The following GABRR3 variants were observed in gnomAD, a reference collection of about 807,000 sequenced individuals.
The protein encoded by GABRR3 is gamma-aminobutyric acid receptor subunit rho-3.
A neutral mutation model predicts 43.2 loss-of-function variants in GABRR3; 29 were observed. The observed-to-expected ratio is 0.67, with a 90% CI of 0.50 to 0.92. The LOEUF is 0.92. Among genes scored for constraint, GABRR3 ranks in the 40% least tolerant of loss-of-function variants. The pLI, the probability that GABRR3 is intolerant of heterozygous loss-of-function variation, is 0.00. For missense variants in GABRR3, 576 were observed against 572.3 expected (o/e 1.01, Z -0.07); for synonymous variants, 206 against 195.9 (o/e 1.05, Z -0.43).
At chr3:98,007,539 G>C (rs1706736505) in intron 7 of GABRR3, among the ~76,000 whole-genome samples, 1 of 152,210 alleles carries the variant, frequency 6.6e-6, no homozygotes, top group Non-Finnish European at 1.5e-5. Context: ...ATTGAGACTG[G>C]AGAAGTCAAG....
chr3:97,985,107 C>T (rs776662698), downstream of GABRR3, among the ~76,000 whole-genome samples: 9 of 152,124 alleles, frequency 5.9e-5, no homozygotes, highest in Non-Finnish European at 1.3e-4. Context: ...GAAAGTAATA[C>T]ACCATTTAAT....
intron 7 of GABRR3, among the ~76,000 whole-genome samples, chr3:98,003,755 G>T (rs147855398): frequency 6.6e-6 from 1 of 151,898 alleles, no homozygotes; most frequent in Non-Finnish European, 1.5e-5. Flanking sequence ...CTTGTCCTAC[G>T]ACAGGCAGCC....
At chr3:97,993,245 T>C (rs1706495134) in intron 8 of GABRR3, among the ~76,000 whole-genome samples, 197 bp from the exon 9 acceptor site, 1 of 152,226 alleles carries the variant, frequency 6.6e-6, no homozygotes, top group African/African-American at 2.4e-5. Context: ...TGTCTCTTTT[T>C]CTTGCCCTTA....
In GABRR3 at chr3:98,009,617, T is replaced by C. The variant is rs531410607; in HGVS notation, c.531-579A>G. Among the ~76,000 whole-genome samples, 9 of 152,298 alleles carry C rather than the reference T, an allele frequency of 5.9e-5. No homozygotes were observed. In the South Asian group the frequency reaches 1.9e-3, roughly 32 times the overall value. On this transcript the variant is annotated intron_variant, in intron 5 of 9. Transcript: ENST00000621172. ...TACTGATGAGAACGGTTTTTTCAAA[T>C]TTTATATCCTCCTAGATTTTCCTGG...
chr3:98,028,759 A>C (rs1386712885), intron 2 of GABRR3, among the ~76,000 whole-genome samples: 2 of 152,206 alleles, frequency 1.3e-5, no homozygotes. Flanking sequence ...TCATGTCTAC[A>C]TGCCCCTCAG....
chr3:98,021,080 G>A (rs1201031574), intron 3 of GABRR3, among the ~76,000 whole-genome samples: 1 of 151,646 alleles, frequency 6.6e-6, no homozygotes, highest in Non-Finnish European at 1.5e-5. Context: ...GGTCAGGCTG[G>A]TCTCGAACTC....
intron 8 of GABRR3, chr3:97,998,151 G>A (rs928964116): frequency 1.3e-5 from 2 of 152,134 alleles, no homozygotes; most frequent in Non-Finnish European, 2.9e-5. Context: ...TACAGTGATA[G>A]GTTATAGGCA....
At chr3:98,024,482 C>G (rs535820968) in intron 3 of GABRR3, among the ~76,000 whole-genome samples, 3 of 151,636 alleles carry the variant, frequency 2.0e-5, no homozygotes, top group Non-Finnish European at 2.9e-5. Flanking sequence ...ATTTAACATA[C>G]GTTTTTGTTT....
At chr3:98,021,901 T>C (rs1161268821) in intron 3 of GABRR3, among the ~76,000 whole-genome samples, 2 of 152,216 alleles carry the variant, frequency 1.3e-5, no homozygotes, top group Non-Finnish European at 2.9e-5. Flanking sequence ...ATCTAATCTT[T>C]TAATTATAGC....
rs749973162 is a variant in GABRR3, at chr3:97,987,011, T to A, written c.1105-29A>T. 4 of 1,412,646 alleles carry A rather than the reference T, an allele frequency of 2.8e-6. No individual in the cohort carries two copies. The African/African-American group carries it at 4.3e-5, about 15-fold the overall frequency. The allele number at this position is 1,412,646 out of a possible 1,614,324, so 87.5% of individuals were successfully genotyped here. A position where few individuals can be genotyped will look rare whatever the true frequency, so the allele number is the denominator to read the frequency against. On this transcript the variant is annotated intron_variant, in intron 9 of 9. Coordinates refer to ENST00000621172, the Ensembl canonical transcript of GABRR3. Reference sequence around the variant, plus strand: ...TCAAAAAACTTTTTTTTAAAGTAGGTCTTGAATATGGTTTTACAAATAGGA... The same window carrying A: ...TCAAAAAACTTTTTTTTAAAGTAGGACTTGAATATGGTTTTACAAATAGGA...
At chr3:98,031,090 C>A (rs1296154184) in intron 2 of GABRR3, among the ~76,000 whole-genome samples, 1 of 152,184 alleles carries the variant, frequency 6.6e-6, no homozygotes, top group Non-Finnish European at 1.5e-5. Context: ...GAACTCCTAA[C>A]TTCTGAACTC....
chr3:97,998,332 C>T lies in GABRR3; in HGVS notation c.907+3283G>A, dbSNP rs531773423. 10 of 152,106 alleles carry T rather than the reference C, an allele frequency of 6.6e-5. No homozygotes were observed. The East Asian group carries it at 1.9e-3, about 29-fold the overall frequency. 9.4% of individuals were successfully genotyped at this position (152,106 alleles called of 1,614,324 possible). On this transcript the variant is annotated intron_variant, in intron 8 of 9. Coordinates refer to ENST00000621172, the Ensembl canonical transcript of GABRR3. Reference sequence around the variant, plus strand: ...TATTGTGTCTTTTGAGATTATGATCCAAACCAGTATAATGAATTATATAAA... The same window carrying T: ...TATTGTGTCTTTTGAGATTATGATCTAAACCAGTATAATGAATTATATAAA...
chr3:97,986,925 G>T, exon 10 of GABRR3: 9 of 1,611,648 alleles, frequency 5.6e-6, no homozygotes, highest in Non-Finnish European at 7.6e-6. Context: ...TCGCTGTCAT[G>T]GTAACAACCA....
chr3:98,005,421 A>G (rs146142976), intron 7 of GABRR3, among the ~76,000 whole-genome samples: 125 of 152,260 alleles, frequency 8.2e-4, no homozygotes, highest in African/African-American at 2.9e-3. Context: ...ATTTGAACCT[A>G]ATTCTAATTT....
intron 7 of GABRR3, among the ~76,000 whole-genome samples, chr3:98,007,467 A>G (rs1706735431): frequency 6.6e-6 from 1 of 152,220 alleles, no homozygotes; most frequent in African/African-American, 2.4e-5. Flanking sequence ...AAGACACTGG[A>G]AAGTTTAGAA....
At chr3:98,028,813 G>A (rs1707052939) in intron 2 of GABRR3, among the ~76,000 whole-genome samples, 1 of 152,118 alleles carries the variant, frequency 6.6e-6, no homozygotes, top group African/African-American at 2.4e-5. Flanking sequence ...TTGTACCCCA[G>A]GAGGATAGAC....
At chr3:97,993,155 G>A (rs2107226747) in intron 8 of GABRR3, 107 bp from the exon 9 acceptor site, 1 of 780,708 alleles carries the variant, frequency 1.3e-6, no homozygotes, top group South Asian at 2.7e-5. Flanking sequence ...TCAACCTGGT[G>A]ATCCAAGAGG....
At chr3:98,005,756 T>A (rs1385529972) in intron 7 of GABRR3, among the ~76,000 whole-genome samples, 1 of 152,184 alleles carries the variant, frequency 6.6e-6, no homozygotes, top group Non-Finnish European at 1.5e-5. Context: ...GTTGGATATA[T>A]GTTAATGGAT....
chr3:98,010,974 C>T (rs1216310303), intron 5 of GABRR3, among the ~76,000 whole-genome samples: 3 of 152,070 alleles, frequency 2.0e-5, no homozygotes, highest in Non-Finnish European at 2.9e-5. Context: ...GTGGCAGGCA[C>T]CTGTGACCCC....
Sources: allele counts gnomAD v4.1 joint callset (sites outside exome capture counted in the v4.1 genomes callset), GRCh38; gene constraint gnomAD v4.1.1; transcripts MANE v1.5; gene names NCBI Gene and HGNC (gene_info 2026-07-23, HGNC 2026-07-21).